FAM131B: variants seen among roughly 807,000 people sequenced by gnomAD.
The protein encoded by FAM131B is protein FAM131B.
FAM131B carries 19 observed loss-of-function variants against 42.0 expected under a neutral mutation model. That is an observed-to-expected ratio of 0.45 (90% CI 0.32 to 0.66). The LOEUF (loss-of-function observed/expected upper bound fraction) is 0.66, where lower values mean the gene tolerates loss of function less well. Among genes scored for constraint, FAM131B ranks in the 30% least tolerant of loss-of-function variants. The pLI is 0.05. For missense variants in FAM131B, 370 were observed against 468.4 expected, an observed-to-expected ratio of 0.79 and a Z score of 1.94; for synonymous variants, 183 against 177.6, an observed-to-expected ratio of 1.03 and a Z score of -0.24.
Position 143,362,326 on chromosome 7 carries a change from C to A in FAM131B, c.28+250G>T, listed in dbSNP as rs966740197. 4.6e-5 allele frequency among the ~76,000 whole-genome samples: 7 copies of A among 152,154 alleles called. No homozygotes were observed. The East Asian group carries it at 1.4e-3, about 30-fold the overall frequency. ...GGGCGATGGAGAGGATGGAGAGGAC[C>A]GCGCCTGCGGGAGGGCGACGGGGAG... On this transcript the variant is annotated intron_variant, in intron 1 of 6. Transcript: ENST00000443739. The surrounding 1 kb of genome is among the most constrained non-coding windows in gnomAD (Gnocchi z 7.7).
Position 143,362,497 on chromosome 7 carries a change from G to C in FAM131B, c.28+79C>G. 1 of 606,368 alleles carries C rather than the reference G, an allele frequency of 1.6e-6. No individual in the cohort carries two copies. Among genetic ancestry groups the C allele is most frequent in the Non-Finnish European group, 2.4e-6 (1 of 419,702 alleles). The allele number at this position is 606,368 out of a possible 1,614,324, so 37.6% of individuals were successfully genotyped here. A position where few individuals can be genotyped will look rare whatever the true frequency, so the allele number is the denominator to read the frequency against. On this transcript the variant is annotated intron_variant, in intron 1 of 6. Transcript: ENST00000443739. The surrounding 1 kb of genome is among the most constrained non-coding windows in gnomAD (Gnocchi z 7.7). Reference sequence around the variant, plus strand: ...GGTGCGGAGCGGGGCGCCCGGAGGCGCGAGGAGAGGGATGGGGGAGGGGGT... The same window carrying C: ...GGTGCGGAGCGGGGCGCCCGGAGGCCCGAGGAGAGGGATGGGGGAGGGGGT...
At chr7:143,369,713 A>C in the FAM131B span, among the ~76,000 whole-genome samples, 20 of 151,130 alleles carry the variant, frequency 1.3e-4, no homozygotes, top group Non-Finnish European at 2.7e-4. Context: ...AGATCTCCTC[A>C]TAAGCATTCT....
At position 143,362,447 on chromosome 7, in the gene FAM131B, G is replaced by C; in HGVS notation, c.28+129C>G. On this transcript the variant is annotated intron_variant, in intron 1 of 6. Transcript: ENST00000443739. The surrounding 1 kb of genome is among the most constrained non-coding windows in gnomAD (Gnocchi z 7.7). ...GGGACCGCGGGCGGACGGAAGGAAAGTGAAGGAGCTAGCAGGGCAAGGCGG... is the reference window on the plus strand; with the variant it reads ...GGGACCGCGGGCGGACGGAAGGAAACTGAAGGAGCTAGCAGGGCAAGGCGG... The C allele has an allele frequency of 2.7e-6, 1 of 368,830 alleles. No individual in the cohort carries two copies. Among genetic ancestry groups the C allele is most frequent in the South Asian group, 1.4e-4 (1 of 7,384 alleles). 22.8% of individuals were successfully genotyped at this position (368,830 alleles called of 1,614,324 possible).
Position 143,359,268 on chromosome 7 carries a change from G to T in FAM131B, c.268+58C>A. ...AACCTCGAAGGAGCAGGGAGACTGA[G>T]CCAAGGAGTCTGTCAGCATTATTTT... is the stretch of plus-strand genomic sequence containing the variant. On this transcript the variant is annotated intron_variant, in intron 4 of 6. Transcript: ENST00000443739. This position sits in a 1 kb window ranked among gnomAD's most constrained non-coding sequence, Gnocchi z 5.4. The T allele has an allele frequency of 1.5e-6, 2 of 1,369,414 alleles. No individual in the cohort carries two copies. The highest frequency in any genetic ancestry group is 1.2e-5 in the South Asian group (1 of 82,522). 84.8% of individuals were successfully genotyped at this position (1,369,414 alleles called of 1,614,324 possible). A position where few individuals can be genotyped will look rare whatever the true frequency, so the allele number is the denominator to read the frequency against.
chr7:143,381,697 G>C, the FAM131B span: 1 of 1,606,518 alleles, frequency 6.2e-7, no homozygotes, highest in African/African-American at 1.3e-5. Context: ...TCCGGCCCGG[G>C]GACAGCGAGC....
chr7:143,378,926 T>C, the FAM131B span, among the ~76,000 whole-genome samples: 2 of 152,234 alleles, frequency 1.3e-5, no homozygotes, highest in Admixed American at 1.3e-4. Context: ...TTGAGACATC[T>C]TGGGCAGTGA....
chr7:143,359,696 G>T lies in FAM131B; in HGVS notation c.174+36C>A. The T allele has an allele frequency of 6.4e-7, 1 of 1,552,868 alleles. No homozygotes were observed. The highest frequency in any genetic ancestry group is 8.7e-7 in the Non-Finnish European group (1 of 1,144,230). On this transcript the variant is annotated intron_variant, in intron 3 of 6. Coordinates refer to ENST00000443739, the MANE Select transcript of FAM131B (RefSeq NM_001031690.3). The surrounding 1 kb of genome is among the most constrained non-coding windows in gnomAD (Gnocchi z 5.4). ...GGGAGAAGATGAGGAGGAGGAGTTCGGGAGGATGGGGAGGTCTGGGGGCAG... is the reference window on the plus strand; with the variant it reads ...GGGAGAAGATGAGGAGGAGGAGTTCTGGAGGATGGGGAGGTCTGGGGGCAG...
chr7:143,381,032 G>T, the FAM131B span: 1 of 277,912 alleles, frequency 3.6e-6, no homozygotes, highest in Non-Finnish European at 5.5e-6. Flanking sequence ...GGGAGGGGGA[G>T]GCAGGTCAGG....
At chr7:143,377,479 G>C in the FAM131B span, among the ~76,000 whole-genome samples, 1 of 152,098 alleles carries the variant, frequency 6.6e-6, no homozygotes, top group Non-Finnish European at 1.5e-5. Flanking sequence ...GGCTGTTGAT[G>C]GACCAGGTAG....
At chr7:143,378,506 A>G in the FAM131B span, among the ~76,000 whole-genome samples, 2 of 151,744 alleles carry the variant, frequency 1.3e-5, no homozygotes, top group Non-Finnish European at 2.9e-5. Context: ...AAGGATATCA[A>G]TTAGAATTGC....
intron 6 of FAM131B, 78 bp downstream of exon 6, chr7:143,357,202 C>A (rs967768663): frequency 6.8e-7 from 1 of 1,464,240 alleles, no homozygotes. Flanking sequence ...CTTAAAAGAA[C>A]GGAGCTGAGT....
chr7:143,381,551 C>T, the FAM131B span: 31 of 1,604,914 alleles, frequency 1.9e-5, no homozygotes, highest in African/African-American at 3.9e-4. Flanking sequence ...CGGCGACCCA[C>T]CCCAGCAGCC....
the FAM131B span, chr7:143,381,636 C>A: frequency 2.5e-6 from 4 of 1,612,270 alleles, no homozygotes; most frequent in African/African-American, 5.3e-5. Flanking sequence ...TTTTACGCCC[C>A]GCAGAAGAAG....
chr7:143,380,038 A>G, the FAM131B span: 22 of 982,470 alleles, frequency 2.2e-5, no homozygotes, highest in South Asian at 4.7e-5. This position sits in a 1 kb window ranked among gnomAD's most constrained non-coding sequence, Gnocchi z 5.0. Flanking sequence ...CCTTGCCAGT[A>G]GAGTGTAGCC....
At chr7:143,380,699 AG>A in the FAM131B span, 1 of 985,248 alleles carries the variant, frequency 1.0e-6, no homozygotes, top group Non-Finnish European at 1.2e-6. The surrounding 1 kb of genome is among the most constrained non-coding windows in gnomAD (Gnocchi z 5.0). Flanking sequence ...AGAATGCTGG[AG>A]GTTCCGGCTC....
chr7:143,362,674 G>T lies in FAM131B; in HGVS notation c.-71C>A, dbSNP rs1447995552. On this transcript the variant is annotated 5_prime_UTR_variant, in exon 1 of 7. Transcript: ENST00000443739. The surrounding 1 kb of genome is among the most constrained non-coding windows in gnomAD (Gnocchi z 7.7). ...CGCCGGGGGGAGCACCGGGAGCCGC[G>T]CCGCCGCCCCAGCCGCTCTGCAGCG... 5.6e-5 allele frequency: 49 copies of T among 871,320 alleles called. No individual in the cohort carries two copies. The highest frequency in any genetic ancestry group is 7.1e-5 in the Non-Finnish European group (48 of 675,924). The allele number at this position is 871,320 out of a possible 1,614,324, so 54.0% of individuals were successfully genotyped here.
At chr7:143,370,906 C>T in the FAM131B span, among the ~76,000 whole-genome samples, 5 of 152,126 alleles carry the variant, frequency 3.3e-5, no homozygotes, top group African/African-American at 9.7e-5. Flanking sequence ...TCCAGTAACA[C>T]CCTTAGCCTC....
chr7:143,369,175 T>C, the FAM131B span, among the ~76,000 whole-genome samples: 831 of 152,342 alleles, frequency 5.5e-3, 6 homozygotes, highest in Middle Eastern at 0.01. Flanking sequence ...GCTGAGTTAG[T>C]AAGTGGCTGA....
chr7:143,371,060 G>A, the FAM131B span, among the ~76,000 whole-genome samples: 1 of 152,188 alleles, frequency 6.6e-6, no homozygotes, highest in South Asian at 2.1e-4. Context: ...CTCCTTCTTT[G>A]TCTTTTTTTG....
Sources: gnomAD v4.1 joint callset for allele counts (sites outside exome capture counted in the v4.1 genomes callset) on GRCh38, gnomAD v4.1.1 for gene constraint, Gnocchi (gnomAD v3.1) non-coding constraint, MANE v1.5 for transcripts, NCBI Gene and HGNC (gene_info 2026-07-23, HGNC 2026-07-21) for gene names.